PCDH11X: variants seen among roughly 807,000 people sequenced by gnomAD.
PCDH11X encodes the protein protocadherin-11 X-linked.
In PCDH11X, 18 loss-of-function variants were observed where a neutral mutation model predicts 53.3. That is an observed-to-expected ratio of 0.34 (90% CI 0.23 to 0.50). The LOEUF (loss-of-function observed/expected upper bound fraction) is 0.50. PCDH11X is among the 20% of genes least tolerant of loss of function. The probability of loss-of-function intolerance (pLI) is 0.98; values close to 1 mark genes in which losing one functional copy is unlikely to be tolerated. For missense variants in PCDH11X, 570 were observed against 1,032.4 expected (o/e 0.55, Z 6.14); for synonymous variants, 279 against 393.3 (o/e 0.71, Z 3.44).
chrX:92,383,712 A>T (rs1198258993), intron 8 of PCDH11X, among the ~76,000 whole-genome samples: 1 of 111,879 alleles, frequency 8.9e-6, no homozygotes, highest in East Asian at 2.8e-4. Context: ...CATTTTCTTA[A>T]TCCAGTCTAT....
intron 6 of PCDH11X, among the ~76,000 whole-genome samples, chrX:91,917,780 A>G (rs1479243160): frequency 9.2e-6 from 1 of 108,379 alleles, no homozygotes; most frequent in Non-Finnish European, 1.9e-5. Context: ...TGCCATTCCC[A>G]TCAAAGTGCC....
At chrX:92,278,465 A>T (rs983897719) in intron 8 of PCDH11X, among the ~76,000 whole-genome samples, 1 of 110,979 alleles carries the variant, frequency 9.0e-6, no homozygotes, top group African/African-American at 3.3e-5. Context: ...AAAGAGAGTC[A>T]GTGAAGGGAG....
intron 10 of PCDH11X, among the ~76,000 whole-genome samples, chrX:92,486,472 A>G (rs2073642493): frequency 1.8e-5 from 2 of 111,706 alleles, no homozygotes. Flanking sequence ...ATTGCAATAA[A>G]TGACTGCAAA....
At chrX:92,268,597 A>G (rs810845) in intron 8 of PCDH11X, among the ~76,000 whole-genome samples, 44,545 of 110,728 alleles carry the variant, frequency 0.4, 7,430 homozygotes, top group Non-Finnish European at 0.53. Flanking sequence ...TTCATCCTAC[A>G]TATGTTCTAT....
chrX:92,554,380 A>G (rs2148754585), intron 10 of PCDH11X, among the ~76,000 whole-genome samples: 1 of 104,859 alleles, frequency 9.5e-6, no homozygotes, highest in African/African-American at 3.5e-5. Flanking sequence ...TCCAGGCCCT[A>G]AAGAATTTTT....
intron 8 of PCDH11X, among the ~76,000 whole-genome samples, chrX:92,276,286 C>T (rs1295203153): frequency 6.5e-5 from 7 of 107,073 alleles, no homozygotes; most frequent in Admixed American, 1.0e-4. Flanking sequence ...GCTCGGCATC[C>T]GTGATGGTCT....
At chrX:91,969,438 A>T (rs1178553185) in intron 6 of PCDH11X, among the ~76,000 whole-genome samples, 2 of 108,640 alleles carry the variant, frequency 1.8e-5, no homozygotes, top group African/African-American at 6.8e-5. Context: ...AAGTAGCATC[A>T]CATTAGTAAA....
At chrX:92,373,618 C>T (rs893219864) in intron 8 of PCDH11X, among the ~76,000 whole-genome samples, 5 of 111,728 alleles carry the variant, frequency 4.5e-5, no homozygotes, top group African/African-American at 1.6e-4. Flanking sequence ...CGGAATATAA[C>T]TCTTAAAAGG....
chrX:92,114,637 A>G (rs1465395512), intron 6 of PCDH11X, among the ~76,000 whole-genome samples: 6 of 111,654 alleles, frequency 5.4e-5, no homozygotes, highest in African/African-American at 2.0e-4. Flanking sequence ...TCCCAATTGT[A>G]GTTTCTGCTG....
At chrX:92,347,665 G>A (rs761389072) in intron 8 of PCDH11X, among the ~76,000 whole-genome samples, 13 of 111,334 alleles carry the variant, frequency 1.2e-4, no homozygotes, top group African/African-American at 2.3e-4. Flanking sequence ...TGGATTCCTA[G>A]GTGTCATGGC....
At chrX:92,411,088 G>C (rs893840324) in intron 9 of PCDH11X, among the ~76,000 whole-genome samples, 10 of 107,658 alleles carry the variant, frequency 9.3e-5, no homozygotes, top group African/African-American at 1.4e-4. Context: ...TATTCCTGTT[G>C]TTTTGTATCA....
intron 8 of PCDH11X, among the ~76,000 whole-genome samples, chrX:92,361,809 C>G (rs1158427621): frequency 9.3e-6 from 1 of 107,892 alleles, no homozygotes; most frequent in Non-Finnish European, 1.9e-5. Context: ...ACCCATGAAA[C>G]AGTGATGCCC....
At chrX:92,283,586 G>A (rs753339165) in intron 8 of PCDH11X, among the ~76,000 whole-genome samples, 4 of 111,537 alleles carry the variant, frequency 3.6e-5, no homozygotes, top group East Asian at 5.6e-4. Context: ...GGTTTTCTCC[G>A]TAATTCCACA....
chrX:92,252,132 G>A (rs183757537), intron 7 of PCDH11X, among the ~76,000 whole-genome samples: 167 of 110,918 alleles, frequency 1.5e-3, no homozygotes, highest in African/African-American at 5.1e-3. Context: ...AAAACCACCA[G>A]CACTCTAAGT....
chrX:91,892,447 A>G (rs753066046), intron 6 of PCDH11X, among the ~76,000 whole-genome samples: 115 of 109,667 alleles, frequency 1.0e-3, no homozygotes, highest in Non-Finnish European at 1.9e-3. Flanking sequence ...TTTTCAAGGG[A>G]CTTTGCAATC....
At chrX:91,936,116 G>A (rs1233431959) in intron 6 of PCDH11X, among the ~76,000 whole-genome samples, 44 of 104,561 alleles carry the variant, frequency 4.2e-4, no homozygotes, top group African/African-American at 1.5e-3. Context: ...GGCTCTGGCT[G>A]AGGAGGGAGC....
At chrX:92,443,193 C>T (rs1016164394) in intron 9 of PCDH11X, among the ~76,000 whole-genome samples, 14 of 111,137 alleles carry the variant, frequency 1.3e-4, no homozygotes, top group Non-Finnish European at 2.6e-4. Flanking sequence ...TTTTTCCATA[C>T]CACTGGTATG....
rs533308016 is a variant in PCDH11X, at chrX:92,264,838, G to A, written c.3144+1695G>A. ...AAAACAGTTCAACATGTAAATAATC[G>A]ACATAAGGACCAATGGAAAAAGAGG... On this transcript the variant is annotated intron_variant, in intron 8 of 10. Transcript: ENST00000682573. Among the ~76,000 whole-genome samples the A allele has an allele frequency of 7.6e-5, 8 of 105,744 alleles. No homozygotes were observed. The South Asian group carries it at 1.7e-3, about 22-fold the overall frequency. The allele number at this position is 105,744 out of a possible 115,157, so 91.8% of individuals were successfully genotyped here.
chrX:92,261,081 T>C (rs2067705427), intron 7 of PCDH11X, among the ~76,000 whole-genome samples: 1 of 111,170 alleles, frequency 9.0e-6, no homozygotes, highest in Non-Finnish European at 1.9e-5. Context: ...GATTTTTTTT[T>C]TAATGTTTCT....
Sources: gnomAD v4.1 joint callset for allele counts (sites outside exome capture counted in the v4.1 genomes callset) on GRCh38, gnomAD v4.1.1 for gene constraint, MANE v1.5 for transcripts, NCBI Gene and HGNC (gene_info 2026-07-23, HGNC 2026-07-21) for gene names.